Variants in TENM2 observed in about 807,000 individuals in gnomAD.
TENM2 encodes the protein teneurin-2.
In TENM2, 52 loss-of-function variants were observed where a neutral mutation model predicts 245.2. That is an observed-to-expected ratio of 0.21 (90% CI 0.17 to 0.27). TENM2 has a LOEUF of 0.27. Among genes scored for constraint, TENM2 ranks in the 10% least tolerant of loss-of-function variants. The probability of loss-of-function intolerance (pLI) is 1.00; values close to 1 mark genes in which losing one functional copy is unlikely to be tolerated. For synonymous variants in TENM2, 1,363 were observed against 1,438.9 expected (o/e 0.95, Z 1.19); for missense variants, 3,046 against 3,666.8 (o/e 0.83, Z 4.37).
exon 12 of TENM2, chr5:168,126,832 C>T: frequency 6.2e-7 from 1 of 1,612,916 alleles, no homozygotes; most frequent in Non-Finnish European, 8.5e-7. Context: ...TGGACAGGCG[C>T]AGCGTGTGAC....
intron 2 of TENM2, among the ~76,000 whole-genome samples, chr5:167,809,712 G>C (rs965213273): frequency 6.6e-6 from 1 of 152,064 alleles, no homozygotes; most frequent in African/African-American, 2.4e-5. Context: ...ATATGTCCTT[G>C]AGTGGAGGCA....
chr5:168,150,214 C>T (rs1467923487), intron 12 of TENM2, among the ~76,000 whole-genome samples: 3 of 152,168 alleles, frequency 2.0e-5, no homozygotes, highest in Non-Finnish European at 4.4e-5. Context: ...CTACCCGGTG[C>T]ATAATAGGTG....
chr5:167,537,074 A>G (rs906615179), intron 2 of TENM2, among the ~76,000 whole-genome samples: 11 of 152,090 alleles, frequency 7.2e-5, no homozygotes, highest in African/African-American at 2.2e-4. Flanking sequence ...AGCATGCTGT[A>G]CAAGCACAAT....
At chr5:167,717,569 A>C (rs1168464446) in intron 2 of TENM2, among the ~76,000 whole-genome samples, 4 of 152,126 alleles carry the variant, frequency 2.6e-5, no homozygotes, top group African/African-American at 9.7e-5. Context: ...CTCTTCTGAA[A>C]TTTTATTAAT....
Position 167,611,159 on chromosome 5 carries a change from C to A in TENM2, c.502+235686C>A, listed in dbSNP as rs374865723. ...TTCACTTTTCGGATTCTACTTTTTC[C>A]CATTCTTATTCTCAATAAACTACCA... On this transcript the variant is annotated intron_variant, in intron 2 of 28. Transcript: ENST00000518659. Among the ~76,000 whole-genome samples, 53 of 152,264 alleles carry A rather than the reference C, an allele frequency of 3.5e-4. No homozygotes were observed. In the South Asian group the frequency reaches 0.011, roughly 30 times the overall value.
At chr5:167,459,779 T>A (rs553730847) in intron 2 of TENM2, among the ~76,000 whole-genome samples, 1 of 152,154 alleles carries the variant, frequency 6.6e-6, no homozygotes, top group African/African-American at 2.4e-5. Flanking sequence ...AATACACACA[T>A]TGAAAACATA....
chr5:167,058,663 A>T, the TENM2 span, among the ~76,000 whole-genome samples: 4 of 152,108 alleles, frequency 2.6e-5, no homozygotes, highest in Admixed American at 2.6e-4. Context: ...AGATGAGAGG[A>T]TCACCTGAGC....
At chr5:168,054,184 A>C (rs1011211399) in intron 6 of TENM2, among the ~76,000 whole-genome samples, 2 of 152,212 alleles carry the variant, frequency 1.3e-5, no homozygotes, top group Non-Finnish European at 2.9e-5. Context: ...AAGAGCTGAA[A>C]CATTTTCTAA....
the TENM2 span, among the ~76,000 whole-genome samples, chr5:167,045,041 A>G: frequency 6.6e-6 from 1 of 152,178 alleles, no homozygotes; most frequent in Admixed American, 6.5e-5. Flanking sequence ...GACTGGACCT[A>G]GAGATGAGGG....
At chr5:166,979,235 A>AGCAGCC in the TENM2 span, among the ~76,000 whole-genome samples, 6 of 142,846 alleles carry the variant, frequency 4.2e-5, no homozygotes, top group African/African-American at 1.5e-4. Flanking sequence ...CAGCAGCAGC[A>AGCAGCC]GCCGCCGCGG....
the TENM2 span, among the ~76,000 whole-genome samples, chr5:166,997,454 C>G: frequency 6.6e-5 from 10 of 152,270 alleles, no homozygotes; most frequent in East Asian, 1.9e-3. Context: ...ATCCAGCCCA[C>G]ATGACTCCAG....
intron 2 of TENM2, among the ~76,000 whole-genome samples, chr5:167,386,672 C>T (rs1761449318): frequency 6.6e-6 from 1 of 152,132 alleles, no homozygotes; most frequent in African/African-American, 2.4e-5. Flanking sequence ...CTTAATCCAT[C>T]TTGAGATGAT....
At chr5:167,279,585 A>T in the TENM2 span, among the ~76,000 whole-genome samples, 1 of 99,510 alleles carries the variant, frequency 1.0e-5, no homozygotes, top group African/African-American at 4.0e-5. Context: ...TCTGTTGTAT[A>T]TATTGGGGTA....
At chr5:167,451,940 C>T (rs895189135) in intron 2 of TENM2, among the ~76,000 whole-genome samples, 8 of 152,100 alleles carry the variant, frequency 5.3e-5, no homozygotes, top group Admixed American at 5.2e-4. Flanking sequence ...TGAGCCACCG[C>T]GTCTGGCAGC....
At chr5:167,489,827 T>C (rs1043204273) in intron 2 of TENM2, among the ~76,000 whole-genome samples, 4 of 152,222 alleles carry the variant, frequency 2.6e-5, no homozygotes, top group African/African-American at 9.6e-5. Context: ...TAGTAATACC[T>C]GAGAAAGTTC....
chr5:167,893,880 G>A (rs1368033571), intron 3 of TENM2, among the ~76,000 whole-genome samples: 1 of 152,008 alleles, frequency 6.6e-6, no homozygotes, highest in African/African-American at 2.4e-5. Context: ...TAAGATCCAA[G>A]CAATTATGCC....
chr5:167,744,683 A>G (rs1041354521), intron 2 of TENM2, among the ~76,000 whole-genome samples: 1 of 152,120 alleles, frequency 6.6e-6, no homozygotes, highest in Non-Finnish European at 1.5e-5. Flanking sequence ...CTCATTTTCA[A>G]GACACCCTCA....
chr5:167,536,337 T>C (rs934466654), intron 2 of TENM2, among the ~76,000 whole-genome samples: 1 of 152,044 alleles, frequency 6.6e-6, no homozygotes, highest in African/African-American at 2.4e-5. Flanking sequence ...TCAAGTAAAA[T>C]GCCTTGAAGG....
At chr5:167,250,409 T>G in the TENM2 span, among the ~76,000 whole-genome samples, 1 of 152,192 alleles carries the variant, frequency 6.6e-6, no homozygotes, top group Admixed American at 6.5e-5. Context: ...TGAGTACATG[T>G]TGAAATAATT....
Sources: gnomAD v4.1 joint callset for allele counts (sites outside exome capture counted in the v4.1 genomes callset) on GRCh38, gnomAD v4.1.1 for gene constraint, MANE v1.5 for transcripts, NCBI Gene and HGNC (gene_info 2026-07-23, HGNC 2026-07-21) for gene names.